The following CARD10 variants were observed in gnomAD, a reference collection of about 807,000 sequenced individuals.
The protein encoded by CARD10 is caspase recruitment domain-containing protein 10.
In CARD10, 49 loss-of-function variants were observed where a neutral mutation model predicts 114.6. That is an observed-to-expected ratio of 0.43 (90% CI 0.34 to 0.54). The LOEUF (loss-of-function observed/expected upper bound fraction) is 0.54. CARD10 is among the 20% of genes least tolerant of loss of function. The pLI, the probability that CARD10 is intolerant of heterozygous loss-of-function variation, is 0.03. For missense variants in CARD10, 1,206 were observed against 1,397.2 expected, an observed-to-expected ratio of 0.86 and a Z score of 2.18; for synonymous variants, 602 against 593.2, an observed-to-expected ratio of 1.01 and a Z score of -0.21.
At chr22:37,513,467 A>G (rs1444812254) in intron 3 of CARD10, among the ~76,000 whole-genome samples, 1 of 152,100 alleles carries the variant, frequency 6.6e-6, no homozygotes, top group Non-Finnish European at 1.5e-5. Flanking sequence ...GTAGAGGCAG[A>G]TGACCTGCAG....
At position 37,519,274 on chromosome 22, in the gene CARD10, C is replaced by A. The variant is rs981074990; in HGVS notation, c.-74G>T. 11 of 1,389,122 alleles carry A rather than the reference C, an allele frequency of 7.9e-6. No individual in the cohort carries two copies. The highest frequency in any genetic ancestry group is 8.4e-6 in the Non-Finnish European group (9 of 1,074,950). The allele number at this position is 1,389,122 out of a possible 1,614,324, so 86.0% of individuals were successfully genotyped here. On this transcript the variant is annotated 5_prime_UTR_variant, in exon 1 of 20. Transcript: ENST00000251973. This position sits in a 1 kb window ranked among gnomAD's most constrained non-coding sequence, Gnocchi z 4.1. The stretch of plus-strand genomic sequence containing the variant: ...GGGCTCCCTAGGGCTAGATGTGCGG[C>A]CAAGCACCCCCGGGGCGTCGTCCGC...
In CARD10 at chr22:37,516,255, C is replaced by T; in HGVS notation, c.417G>A (p.Glu139=). 2 of 1,605,190 alleles carry T rather than the reference C, an allele frequency of 1.2e-6. No homozygotes were observed. Among genetic ancestry groups the T allele is most frequent in the Middle Eastern group, 1.7e-4 (1 of 6,052 alleles). ...TGCGAGCTTCCCGCAGCCGTCGCAC[C>T]TCTGTCATCAAGAATTGGGTCAGGC... ...PEGLTQFLMT[E]VRRLREARKS... is the part of the protein sequence containing the mutation. Residue 139 remains glutamate (E), a synonymous_variant, in exon 3 of 20, where the codon GAG becomes GAA. Transcript: ENST00000251973.
intron 3 of CARD10, among the ~76,000 whole-genome samples, chr22:37,515,580 AAAAC>A (rs1212207102): frequency 2.0e-5 from 3 of 151,938 alleles, no homozygotes; most frequent in African/African-American, 7.2e-5. Context: ...AAAAAAAAAA[AAAAC>A]AACTTATCAA....
intron 15 of CARD10, chr22:37,494,455 G>A: frequency 1.9e-6 from 1 of 531,790 alleles, no homozygotes; most frequent in Non-Finnish European, 3.3e-6. Flanking sequence ...GGAGCCTTAG[G>A]TATACCCCCC....
intron 7 of CARD10, 128 bp from the exon 8 acceptor site, chr22:37,504,897 G>C: frequency 2.2e-6 from 1 of 456,136 alleles, no homozygotes; most frequent in Non-Finnish European, 3.8e-6. Flanking sequence ...TCACAGCCTA[G>C]AATGGGAGAT....
chr22:37,495,666 A>G, intron 14 of CARD10, 80 bp from the exon 15 acceptor site: 4 of 1,610,012 alleles, frequency 2.5e-6, no homozygotes, highest in Non-Finnish European at 3.4e-6. Context: ...CCTGTCCCAG[A>G]GGATGGTGAG....
chr22:37,496,011 T>G lies in CARD10; in HGVS notation c.2060-8A>C. On this transcript the variant is annotated splice_polypyrimidine_tract_variant and splice_region_variant and intron_variant, in intron 13 of 19. Coordinates refer to ENST00000251973, the MANE Select transcript of CARD10 (RefSeq NM_014550.4). This position sits in a 1 kb window ranked among gnomAD's most constrained non-coding sequence, Gnocchi z 4.1. ...CGTGGAAGGACTGGCAGGCTGGGCA[T>G]GGATGGGGCAGGGGGCAGCAAGGAG... 2.5e-6 allele frequency: 4 copies of G among 1,613,066 alleles called. No individual in the cohort carries two copies. The East Asian group carries it at 8.9e-5, about 36-fold the overall frequency.
At chr22:37,497,920 A>G (rs1923067634) in intron 11 of CARD10, among the ~76,000 whole-genome samples, 1 of 151,934 alleles carries the variant, frequency 6.6e-6, no homozygotes. Context: ...AGCACGTGGC[A>G]CAGATCCAAA....
intron 10 of CARD10, among the ~76,000 whole-genome samples, chr22:37,502,977 C>G (rs989033146): frequency 6.6e-6 from 1 of 152,230 alleles, no homozygotes; most frequent in African/African-American, 2.4e-5. Context: ...AGGAGTGAGG[C>G]CCAGGACTGG....
chr22:37,506,163 C>T, intron 7 of CARD10, 29 bp downstream of exon 7: 1 of 1,424,336 alleles, frequency 7.0e-7, no homozygotes, highest in Non-Finnish European at 9.1e-7. Flanking sequence ...GCCTTCCTGC[C>T]AGGACCTCCA....
chr22:37,517,345 T>TA (rs149649080), intron 2 of CARD10, among the ~76,000 whole-genome samples: 1,665 of 152,244 alleles, frequency 0.011, 31 homozygotes, highest in East Asian at 0.041. Flanking sequence ...GTTTTTTATA[T>TA]AAAAAAATTC....
At chr22:37,502,922 A>C (rs1923269158) in intron 10 of CARD10, among the ~76,000 whole-genome samples, 197 bp from the exon 11 acceptor site, 1 of 152,232 alleles carries the variant, frequency 6.6e-6, no homozygotes, top group African/African-American at 2.4e-5. Flanking sequence ...AAGAGGGTGA[A>C]AGGTGGCCCA....
chr22:37,503,099 G>A lies in CARD10; in HGVS notation c.1663+86C>T, dbSNP rs532604210. 4.3e-6 allele frequency: 6 copies of A among 1,404,180 alleles called. No individual in the cohort carries two copies. In the South Asian group the frequency reaches 7.3e-5, roughly 17 times the overall value. 87.0% of individuals were successfully genotyped at this position (1,404,180 alleles called of 1,614,324 possible). The stretch of plus-strand genomic sequence containing the variant: ...GGGAAGGGGATGCAGGCCAAAGGTA[G>A]CGCAGGTGGTGCAGGCTTCAGGTGG... On this transcript the variant is annotated intron_variant, in intron 10 of 19. Coordinates refer to ENST00000251973, the MANE Select transcript of CARD10 (RefSeq NM_014550.4).
At chr22:37,495,431 AG>A in intron 15 of CARD10, 85 bp downstream of exon 15, 1 of 1,021,402 alleles carries the variant, frequency 9.8e-7, no homozygotes, top group Non-Finnish European at 1.5e-6. Flanking sequence ...GTGTCTTCCT[AG>A]GTTGCCAGAG....
chr22:37,502,672 CAGAGGATG>C lies in CARD10; in HGVS notation c.1709_1716del (p.Ser570Ter). On this transcript the variant is annotated frameshift_variant, in exon 11 of 20. Transcript: ENST00000251973. LOFTEE classifies it high-confidence loss of function. ...GGCTTTCCCAAAGGCCACACGCTGT[CAGAGGATG>C]AGGACGAAGAGAGGCCAGGGGACCA... 6.2e-7 allele frequency: 1 copy of C among 1,613,902 alleles called. No homozygotes were observed. Among genetic ancestry groups the C allele is most frequent in the Non-Finnish European group, 8.5e-7 (1 of 1,179,950 alleles).
rs538294489 is a variant in CARD10 at position 37,491,389 on chromosome 22, G to A, written c.2869C>T (p.Leu957=). 2.0e-5 allele frequency: 29 copies of A among 1,484,464 alleles called. 1 individual carries two copies. In the South Asian group the frequency reaches 3.9e-4, roughly 20 times the overall value. 92.0% of individuals were successfully genotyped at this position (1,484,464 alleles called of 1,614,324 possible). A position where few individuals can be genotyped will look rare whatever the true frequency, so the allele number is the denominator to read the frequency against. Residue 957 remains leucine (L), a synonymous_variant, in exon 20 of 20, where the codon CTG becomes TTG. Transcript: ENST00000251973. ...TEKNVREVRG[L]LGRPGWRDSE... Reference sequence around the variant, plus strand: ...TCCCGCCAGCCCGGCCGGCCCAGCAGACCCCTGCCGAGAGAAGAGTGAGCA... The same window carrying A: ...TCCCGCCAGCCCGGCCGGCCCAGCAAACCCCTGCCGAGAGAAGAGTGAGCA...
At chr22:37,512,858 G>A (rs73416256) in intron 3 of CARD10, among the ~76,000 whole-genome samples, 18,707 of 152,014 alleles carry the variant, frequency 0.12, 1,264 homozygotes, top group South Asian at 0.21. Context: ...AAATTATAGC[G>A]TTCGTTCCTT....
Position 37,491,739 on chromosome 22 carries a change from C to T in CARD10, c.2864+16G>A. ...GGTCCGAGTGCCCTGCCCACTGCCCCACCCACCCACCTCACCTGACTTCCC... is the reference window on the plus strand; with the variant it reads ...GGTCCGAGTGCCCTGCCCACTGCCCTACCCACCCACCTCACCTGACTTCCC... On this transcript the variant is annotated intron_variant, in intron 19 of 19. Coordinates refer to ENST00000251973, the MANE Select transcript of CARD10 (RefSeq NM_014550.4). 1 of 1,213,570 alleles carries T rather than the reference C, an allele frequency of 8.2e-7. No homozygotes were observed. The allele number at this position is 1,213,570 out of a possible 1,614,324, so 75.2% of individuals were successfully genotyped here.
chr22:37,510,492 C>T, intron 3 of CARD10, 71 bp from the exon 4 acceptor site: 1 of 1,391,956 alleles, frequency 7.2e-7, no homozygotes, highest in Non-Finnish European at 1.0e-6. Context: ...GGTGGGAAGA[C>T]CTGCTCCCTC....
Sources: allele counts gnomAD v4.1 joint callset (sites outside exome capture counted in the v4.1 genomes callset), GRCh38; gene constraint gnomAD v4.1.1; non-coding constraint Gnocchi (gnomAD v3.1); transcripts MANE v1.5; gene names NCBI Gene and HGNC (gene_info 2026-07-23, HGNC 2026-07-21).